The following SERINC5 variants were observed in gnomAD, a reference collection of about 807,000 sequenced individuals.
SERINC5 encodes the protein serine incorporator 5.
In SERINC5, 41 loss-of-function variants were observed where a neutral mutation model predicts 63.1. The observed-to-expected ratio is 0.65, with a 90% confidence interval of 0.51 to 0.84. The LOEUF (loss-of-function observed/expected upper bound fraction) is 0.84. Ranked by LOEUF, SERINC5 falls within the 40% of genes least tolerant of loss-of-function variation. The probability of loss-of-function intolerance (pLI) is 0.00; values close to 1 mark genes in which losing one functional copy is unlikely to be tolerated. For synonymous variants in SERINC5, 222 were observed against 215.2 expected, an observed-to-expected ratio of 1.03 and a Z score of -0.28; for missense variants, 523 against 573.0, an observed-to-expected ratio of 0.91 and a Z score of 0.89.
rs536319878 is a variant in SERINC5, at chr5:80,172,187, G to A, written c.552-2641C>T. Among the ~76,000 whole-genome samples the A allele has an allele frequency of 7.9e-5, 12 of 152,142 alleles. No individual in the cohort carries two copies. The East Asian group carries it at 1.9e-3, about 25-fold the overall frequency. ...TCTACCAAAAATACAAAAATTATCC[G>A]GGCGTGGTGGTGCATGCCTGTAATC... On this transcript the variant is annotated intron_variant, in intron 5 of 11. Coordinates refer to ENST00000507668, the MANE Select transcript of SERINC5 (RefSeq NM_001174072.3).
intron 1 of SERINC5, among the ~76,000 whole-genome samples, chr5:80,233,805 CTTTTT>C (rs373920343): frequency 8.6e-5 from 6 of 69,950 alleles, no homozygotes; most frequent in African/African-American, 2.5e-4. Flanking sequence ...TCAACTTTTA[CTTTTT>C]TTTTTTTTTT....
chr5:80,232,338 A>G (rs1458268984), intron 1 of SERINC5, among the ~76,000 whole-genome samples: 3 of 150,758 alleles, frequency 2.0e-5, no homozygotes, highest in Non-Finnish European at 4.4e-5. Context: ...CGGGATGTGG[A>G]GCTTGCAGTG....
intron 1 of SERINC5, among the ~76,000 whole-genome samples, chr5:80,203,727 T>C (rs1750002145): frequency 6.6e-6 from 1 of 151,874 alleles, no homozygotes; most frequent in South Asian, 2.1e-4. Flanking sequence ...ATTTCCTGAG[T>C]GACAGAGGTT....
intron 1 of SERINC5, among the ~76,000 whole-genome samples, chr5:80,222,553 A>C (rs1371727289): frequency 7.2e-6 from 1 of 138,892 alleles, no homozygotes; most frequent in Admixed American, 7.2e-5. Context: ...TTTGTGGGTG[A>C]GTGTGTGAGT....
Position 80,138,746 on chromosome 5 carries a change from ATC to A in SERINC5, c.*4915_*4916del. The A allele has an allele frequency of 3.4e-6, 3 of 874,724 alleles. No homozygotes were observed. Among genetic ancestry groups the A allele is most frequent in the Non-Finnish European group, 4.1e-6 (3 of 729,134 alleles). 54.2% of individuals were successfully genotyped at this position (874,724 alleles called of 1,614,324 possible). A position where few individuals can be genotyped will look rare whatever the true frequency, so the allele number is the denominator to read the frequency against. ...ATCATGTTGCACACCACAGATATAT[ATC>A]TTTTATTTGTCAATTAAAGGATCAG... is the stretch of plus-strand genomic sequence containing the variant. On this transcript the variant is annotated 3_prime_UTR_variant, in exon 12 of 12. Coordinates refer to ENST00000507668, the MANE Select transcript of SERINC5 (RefSeq NM_001174072.3).
chr5:80,229,082 G>A (rs796746242), intron 1 of SERINC5, among the ~76,000 whole-genome samples: 4 of 134,864 alleles, frequency 3.0e-5, no homozygotes, highest in African/African-American at 1.1e-4. Flanking sequence ...GGAGTGCAGT[G>A]GTGCGATCTC....
At chr5:80,175,347 T>C (rs1382363922) in intron 4 of SERINC5, among the ~76,000 whole-genome samples, 2 of 152,164 alleles carry the variant, frequency 1.3e-5, no homozygotes, top group Admixed American at 6.5e-5. Context: ...GGTACCCTAA[T>C]AGATGCCCTA....
intron 2 of SERINC5, among the ~76,000 whole-genome samples, chr5:80,187,806 T>C (rs1748912025): frequency 6.6e-6 from 1 of 152,114 alleles, no homozygotes; most frequent in Non-Finnish European, 1.5e-5. Context: ...TTTGTCAGAA[T>C]CAAACAGTCA....
chr5:80,228,509 G>A (rs556172791), intron 1 of SERINC5, among the ~76,000 whole-genome samples: 43 of 151,980 alleles, frequency 2.8e-4, no homozygotes, highest in African/African-American at 5.3e-4. Flanking sequence ...ACACTGGAGC[G>A]CAGTGGTCCA....
intron 2 of SERINC5, among the ~76,000 whole-genome samples, chr5:80,183,056 G>C (rs1748555675): frequency 6.6e-6 from 1 of 152,104 alleles, no homozygotes; most frequent in Non-Finnish European, 1.5e-5. Context: ...ACTGAAGCTA[G>C]AACACCTTTG....
intron 1 of SERINC5, among the ~76,000 whole-genome samples, chr5:80,251,959 T>A (rs185484628): frequency 1.7e-5 from 1 of 57,726 alleles, no homozygotes; most frequent in Admixed American, 1.7e-4. Flanking sequence ...GCCCTCCCAA[T>A]CCCTATTGTC....
At chr5:80,240,177 A>G (rs1487219114) in intron 1 of SERINC5, among the ~76,000 whole-genome samples, 3 of 152,188 alleles carry the variant, frequency 2.0e-5, no homozygotes, top group African/African-American at 7.2e-5. Flanking sequence ...CTTCGTGGTA[A>G]TACACAAAAA....
In SERINC5 at chr5:80,164,910, G is replaced by GTTTTTTTTTTTTTTTT. The variant is rs70982026; in HGVS notation, c.859+1457_859+1472dup. Reference sequence around the variant, plus strand: ...TGAAATTTAAAATAACTTTTTTTCTGTTTTTTTTTTTTTTTTTTTTTTGTA... The same window carrying GTTTTTTTTTTTTTTTT: ...TGAAATTTAAAATAACTTTTTTTCTGTTTTTTTTTTTTTTTTTTTTTTTTTTTTTTTTTTTTTTGTA... On this transcript the variant is annotated intron_variant, in intron 7 of 11. Coordinates refer to ENST00000507668, the MANE Select transcript of SERINC5 (RefSeq NM_001174072.3). 8.2e-5 allele frequency among the ~76,000 whole-genome samples: 7 copies of GTTTTTTTTTTTTTTTT among 85,180 alleles called. 1 individual carries two copies. Among genetic ancestry groups the GTTTTTTTTTTTTTTTT allele is most frequent in the African/African-American group, 2.0e-4 (4 of 20,460 alleles). 55.9% of individuals were successfully genotyped at this position (85,180 alleles called of 152,430 possible).
Position 80,139,883 on chromosome 5 carries a change from G to T in SERINC5, c.*3780C>A. The stretch of plus-strand genomic sequence containing the variant: ...CCCTCTTTCGTTTCCAAGAGGTATA[G>T]GACACTAGAGTACACCAAATGAGAT... On this transcript the variant is annotated 3_prime_UTR_variant, in exon 12 of 12. Coordinates refer to ENST00000507668, the MANE Select transcript of SERINC5 (RefSeq NM_001174072.3). 1.0e-6 allele frequency: 1 copy of T among 985,292 alleles called. No homozygotes were observed. The highest frequency in any genetic ancestry group is 4.7e-5 in the South Asian group (1 of 21,284). 61.0% of individuals were successfully genotyped at this position (985,292 alleles called of 1,614,324 possible).
At chr5:80,186,342 T>G (rs957514539) in intron 2 of SERINC5, among the ~76,000 whole-genome samples, 3 of 152,052 alleles carry the variant, frequency 2.0e-5, no homozygotes, top group Non-Finnish European at 4.4e-5. Context: ...TTCACTATGT[T>G]GGCCAGGCTG....
intron 4 of SERINC5, 58 bp from the exon 5 acceptor site, chr5:80,175,105 G>C (rs975939523): frequency 2.5e-6 from 3 of 1,211,230 alleles, no homozygotes; most frequent in Admixed American, 4.8e-5. Context: ...TTGCTCAAAA[G>C]AGAATAACCA....
At chr5:80,217,876 G>C (rs1307289699) in intron 1 of SERINC5, among the ~76,000 whole-genome samples, 1 of 152,138 alleles carries the variant, frequency 6.6e-6, no homozygotes, top group South Asian at 2.1e-4. Flanking sequence ...GCCCAGAAAG[G>C]TTAGGTGATT....
At chr5:80,214,483 T>G (rs1481512262) in intron 1 of SERINC5, among the ~76,000 whole-genome samples, 1 of 150,822 alleles carries the variant, frequency 6.6e-6, no homozygotes, top group Non-Finnish European at 1.5e-5. Flanking sequence ...AGACAATGAG[T>G]AAATCAAACC....
chr5:80,126,008 G>T (rs557755891), intron 11 of SERINC5, among the ~76,000 whole-genome samples: 59 of 152,302 alleles, frequency 3.9e-4, no homozygotes, highest in African/African-American at 1.3e-3. Context: ...GAAAGATGAG[G>T]AGCTCATGAG....
Sources: gnomAD v4.1 joint callset for allele counts (sites outside exome capture counted in the v4.1 genomes callset) on GRCh38, gnomAD v4.1.1 for gene constraint, MANE v1.5 for transcripts, NCBI Gene and HGNC (gene_info 2026-07-23, HGNC 2026-07-21) for gene names.